HIVEP2: variants seen among roughly 807,000 people sequenced by gnomAD.
The protein encoded by HIVEP2 is HIVEP zinc finger 2, also known as transcription factor HIVEP2.
In HIVEP2, 14 loss-of-function variants were observed where a neutral mutation model predicts 180.7. The ratio of observed to expected loss-of-function variants is 0.08; its 90% CI spans 0.05 to 0.12. The LOEUF is 0.12. Among genes scored for constraint, HIVEP2 ranks in the 10% least tolerant of loss-of-function variants. The pLI, the probability that HIVEP2 is intolerant of heterozygous loss-of-function variation, is 1.00. For missense variants in HIVEP2, 2,579 were observed against 3,008.5 expected, an observed-to-expected ratio of 0.86 and a Z score of 3.34; for synonymous variants, 1,184 against 1,136.4, an observed-to-expected ratio of 1.04 and a Z score of -0.84.
intron 1 of HIVEP2, among the ~76,000 whole-genome samples, chr6:142,928,937 G>C (rs1777879611): frequency 6.6e-6 from 1 of 152,120 alleles, no homozygotes; most frequent in Admixed American, 6.5e-5. Flanking sequence ...TATTTACTTG[G>C]CTTCCCAAAC....
chr6:142,890,154 T>C lies in HIVEP2; in HGVS notation c.-640-53107A>G, dbSNP rs532743787. On this transcript the variant is annotated intron_variant, in intron 1 of 9. Coordinates refer to ENST00000367603, the MANE Select transcript of HIVEP2 (RefSeq NM_006734.4). The stretch of plus-strand genomic sequence containing the variant: ...CTCTGTTAAAGAAATCAGACCTAAA[T>C]GCCTATATTTTTCACTCCCTTTGCA... Among the ~76,000 whole-genome samples, 5 of 152,334 alleles carry C rather than the reference T, an allele frequency of 3.3e-5. No homozygotes were observed. In the South Asian group the frequency reaches 1.0e-3, roughly 32 times the overall value.
At chr6:142,800,330 CA>C (rs1776373977) in intron 2 of HIVEP2, among the ~76,000 whole-genome samples, 2 of 152,124 alleles carry the variant, frequency 1.3e-5, no homozygotes, top group African/African-American at 4.8e-5. Context: ...CTCTAGTATG[CA>C]AAGTGCAGAA....
chr6:142,852,798 G>T (rs112140698), intron 1 of HIVEP2, among the ~76,000 whole-genome samples: 5 of 99,746 alleles, frequency 5.0e-5, no homozygotes, highest in South Asian at 3.6e-4. Context: ...TAGAGTAACA[G>T]GGGAAAAATA....
In HIVEP2 at chr6:142,890,319, C is replaced by A. The variant is rs149076058; in HGVS notation, c.-640-53272G>T. ...CTTCCTCAAATAAGCTCCTCCAAAA[C>A]TTTGTATCTTTACAAAGTTAACGCA... On this transcript the variant is annotated intron_variant, in intron 1 of 9. Transcript: ENST00000367603. 6.6e-5 allele frequency among the ~76,000 whole-genome samples: 10 copies of A among 152,330 alleles called. No individual in the cohort carries two copies. The East Asian group carries it at 1.9e-3, about 29-fold the overall frequency.
At chr6:142,920,990 A>G (rs879595071) in intron 1 of HIVEP2, among the ~76,000 whole-genome samples, 2 of 152,136 alleles carry the variant, frequency 1.3e-5, no homozygotes, top group African/African-American at 2.4e-5. Flanking sequence ...CTCAATATAC[A>G]TATATAAATC....
intron 2 of HIVEP2, among the ~76,000 whole-genome samples, chr6:142,792,183 T>TC (rs1776154538): frequency 6.6e-6 from 1 of 152,066 alleles, no homozygotes; most frequent in South Asian, 2.1e-4. Flanking sequence ...ACTGCCACAG[T>TC]CACAGAGACA....
chr6:142,825,113 C>CTTCA (rs1020483819), intron 2 of HIVEP2, among the ~76,000 whole-genome samples: 1 of 152,198 alleles, frequency 6.6e-6, no homozygotes, highest in African/African-American at 2.4e-5. Flanking sequence ...GGAGCCTGCC[C>CTTCA]TTCACACTTA....
intron 1 of HIVEP2, among the ~76,000 whole-genome samples, chr6:142,876,085 T>C (rs1000838421): frequency 1.3e-5 from 2 of 152,050 alleles, no homozygotes; most frequent in Admixed American, 6.6e-5. Context: ...TGTAGTGTCA[T>C]GGAAGCTGGG....
chr6:142,822,008 C>T (rs1049557314), intron 2 of HIVEP2, among the ~76,000 whole-genome samples: 4 of 152,202 alleles, frequency 2.6e-5, no homozygotes, highest in Non-Finnish European at 5.9e-5. Context: ...TCAAAGTACT[C>T]ATCAAAGAAG....
intron 1 of HIVEP2, among the ~76,000 whole-genome samples, chr6:142,905,865 C>T (rs762622468): frequency 6.6e-5 from 10 of 152,208 alleles, no homozygotes; most frequent in Non-Finnish European, 1.3e-4. Flanking sequence ...GGCGTGGTGG[C>T]TCACGCCTAT....
At chr6:142,866,492 G>A (rs961103939) in intron 1 of HIVEP2, among the ~76,000 whole-genome samples, 2 of 151,252 alleles carry the variant, frequency 1.3e-5, no homozygotes, top group East Asian at 3.9e-4. Context: ...TTCTTGTAGC[G>A]TTAGGTCAGT....
At chr6:142,888,050 A>G (rs1161694259) in intron 1 of HIVEP2, among the ~76,000 whole-genome samples, 1 of 152,188 alleles carries the variant, frequency 6.6e-6, no homozygotes, top group Admixed American at 6.5e-5. Context: ...ATACCATGAC[A>G]ATAAATCATT....
intron 2 of HIVEP2, among the ~76,000 whole-genome samples, chr6:142,793,353 A>G (rs1776187103): frequency 6.6e-6 from 1 of 152,132 alleles, no homozygotes; most frequent in Non-Finnish European, 1.5e-5. Context: ...TTTACTGATG[A>G]CTTGAATATT....
At chr6:142,906,848 G>A (rs1777275159) in intron 1 of HIVEP2, among the ~76,000 whole-genome samples, 1 of 152,138 alleles carries the variant, frequency 6.6e-6, no homozygotes, top group African/African-American at 2.4e-5. Flanking sequence ...TAAAAATCAA[G>A]TTGATACATT....
At chr6:142,803,506 C>G (rs1360179936) in intron 2 of HIVEP2, among the ~76,000 whole-genome samples, 1 of 150,556 alleles carries the variant, frequency 6.6e-6, no homozygotes, top group Non-Finnish European at 1.5e-5. Context: ...CTGTCTGCAT[C>G]TTTCATAGCT....
In HIVEP2 at chr6:142,824,699, A is replaced by G. The variant is rs78579655; in HGVS notation, c.-528+12236T>C. Among the ~76,000 whole-genome samples, 521 of 152,316 alleles carry G rather than the reference A, an allele frequency of 3.4e-3. 2 individuals are homozygous for G. The highest frequency in any genetic ancestry group is 0.012 in the African/African-American group (491 of 41,568). On this transcript the variant is annotated intron_variant, in intron 2 of 9. Transcript: ENST00000367603. Reference sequence around the variant, plus strand: ...GTAGCCGTGTAACACAATGGCTCAGATCCAGTCCCAGAGGCTAGGGAGGCA... The same window carrying G: ...GTAGCCGTGTAACACAATGGCTCAGGTCCAGTCCCAGAGGCTAGGGAGGCA...
At chr6:142,863,916 C>T (rs967423114) in intron 1 of HIVEP2, among the ~76,000 whole-genome samples, 1 of 152,150 alleles carries the variant, frequency 6.6e-6, no homozygotes, top group Non-Finnish European at 1.5e-5. Flanking sequence ...TTATTTAAAT[C>T]TCATGCTTAT....
intron 1 of HIVEP2, among the ~76,000 whole-genome samples, chr6:142,881,144 T>C (rs1776566140): frequency 2.0e-5 from 3 of 152,214 alleles, no homozygotes; most frequent in Non-Finnish European, 2.9e-5. Context: ...AATTCTTTAT[T>C]GGACTATGCC....
rs534200523 is a variant in HIVEP2, at chr6:142,771,534, C to A, written c.3205G>T (p.Val1069Leu). The change falls in exon 5 of 10, where the codon GTA (valine) becomes TTA (leucine). Residue 1069 changes from valine to leucine, a missense_variant. Coordinates refer to ENST00000367603, the MANE Select transcript of HIVEP2 (RefSeq NM_006734.4). This position sits in a 1 kb window ranked among gnomAD's most constrained non-coding sequence, Gnocchi z 5.4. ...TTCTTCCTCTCCCTGGACGGTGATA[C>A]CGTGGAGGCTGCTGCTCCCGACACA... ...APVSGAAASTVSPSRERKKCF... is the reference protein window; with the variant it reads ...APVSGAAASTLSPSRERKKCF... 345 of 1,613,890 alleles carry A rather than the reference C, an allele frequency of 2.1e-4. 2 individuals are homozygous for A. In the South Asian group the frequency reaches 3.3e-3, roughly 15 times the overall value.
Sources: allele counts gnomAD v4.1 joint callset (sites outside exome capture counted in the v4.1 genomes callset), GRCh38; gene constraint gnomAD v4.1.1; non-coding constraint Gnocchi (gnomAD v3.1); transcripts MANE v1.5; gene names NCBI Gene and HGNC (gene_info 2026-07-23, HGNC 2026-07-21).